The following NCR2 variants were observed in gnomAD, a reference collection of about 807,000 sequenced individuals.
The protein encoded by NCR2 is NK cell activating receptor (NKp44).
NCR2 carries 35 observed loss-of-function variants against 30.7 expected under a neutral mutation model. The observed-to-expected ratio is 1.14, with a 90% CI of 0.87 to 1.51. NCR2 has a LOEUF of 1.51. Among genes scored for constraint, NCR2 ranks in the 40% most tolerant of loss-of-function variants. The pLI is 0.00. For synonymous variants in NCR2, 146 were observed against 134.8 expected (o/e 1.08, Z -0.58); for missense variants, 316 against 328.9 (o/e 0.96, Z 0.30).
intron 2 of NCR2, among the ~76,000 whole-genome samples, chr6:41,338,918 C>T (rs944268764): frequency 2.6e-5 from 4 of 152,202 alleles, no homozygotes; most frequent in Admixed American, 6.5e-5. Flanking sequence ...CAAAATGTTA[C>T]TTTACAAGAA....
At chr6:41,338,085 C>A (rs118023952) in intron 2 of NCR2, among the ~76,000 whole-genome samples, 1 of 152,250 alleles carries the variant, frequency 6.6e-6, no homozygotes, top group East Asian at 1.9e-4. Flanking sequence ...TGCACTTAGA[C>A]TTTACTTGCC....
intron 4 of NCR2, among the ~76,000 whole-genome samples, chr6:41,345,622 C>T (rs960074223): frequency 6.6e-6 from 1 of 152,058 alleles, no homozygotes; most frequent in African/African-American, 2.4e-5. Flanking sequence ...AGCACTCAGA[C>T]TCCAGTACAG....
At chr6:41,345,261 T>TA (rs1305436627) in intron 4 of NCR2, among the ~76,000 whole-genome samples, 3 of 152,112 alleles carry the variant, frequency 2.0e-5, no homozygotes, top group African/African-American at 4.8e-5. Flanking sequence ...AACCCTGCCT[T>TA]AAGAGATACC....
chr6:41,342,312 A>T (rs1769194995), intron 4 of NCR2, among the ~76,000 whole-genome samples, 163 bp downstream of exon 4: 2 of 152,078 alleles, frequency 1.3e-5, no homozygotes, highest in African/African-American at 4.8e-5. Context: ...CTGACATGTC[A>T]CACAGGCTCA....
intron 2 of NCR2, among the ~76,000 whole-genome samples, chr6:41,338,117 C>T (rs1290994424): frequency 6.6e-6 from 1 of 152,172 alleles, no homozygotes; most frequent in African/African-American, 2.4e-5. Flanking sequence ...TGTCGCTTTA[C>T]TTCCTTGCAT....
At chr6:41,347,492 T>TG (rs1769330770) in intron 4 of NCR2, among the ~76,000 whole-genome samples, 1 of 152,178 alleles carries the variant, frequency 6.6e-6, no homozygotes, top group Non-Finnish European at 1.5e-5. Context: ...ACACCTCCAG[T>TG]GAGTTGTGCA....
At chr6:41,338,257 T>C (rs891395963) in intron 2 of NCR2, among the ~76,000 whole-genome samples, 2 of 152,174 alleles carry the variant, frequency 1.3e-5, no homozygotes, top group African/African-American at 4.8e-5. Flanking sequence ...AACTTTAAAT[T>C]TGGCATGCAA....
chr6:41,350,596 T>C, intron 4 of NCR2, 82 bp from the exon 5 acceptor site: 1 of 1,228,526 alleles, frequency 8.1e-7, no homozygotes, highest in Non-Finnish European at 1.2e-6. Context: ...AGTAGTGGGA[T>C]GGGGAAGGGG....
rs531984270 is a variant in NCR2 at position 41,336,507 on chromosome 6, C to T, written c.394+79C>T. ...CCTCCATCACCCCTGGTTTCCCAAT[C>T]GTGGAAGCCACCCATGCCCACGCCC... On this transcript the variant is annotated intron_variant, in intron 2 of 4. Transcript: ENST00000373089. 27 of 1,256,558 alleles carry T rather than the reference C, an allele frequency of 2.1e-5. 1 individual carries two copies. The Middle Eastern group carries it at 6.5e-4, about 30-fold the overall frequency. The allele number at this position is 1,256,558 out of a possible 1,614,324, so 77.8% of individuals were successfully genotyped here.
chr6:41,339,261 C>A (rs1769111512), intron 2 of NCR2, among the ~76,000 whole-genome samples: 1 of 151,986 alleles, frequency 6.6e-6, no homozygotes, highest in African/African-American at 2.4e-5. Flanking sequence ...GGGGTTTCAC[C>A]ATATTGGTCA....
chr6:41,338,009 T>C, intron 2 of NCR2, among the ~76,000 whole-genome samples: 1 of 152,246 alleles, frequency 6.6e-6, no homozygotes, highest in Admixed American at 6.5e-5. Context: ...ATTTTGTTGA[T>C]AAATGTTATT....
chr6:41,346,163 T>A (rs1182707095), intron 4 of NCR2, among the ~76,000 whole-genome samples: 1 of 152,068 alleles, frequency 6.6e-6, no homozygotes, highest in African/African-American at 2.4e-5. Context: ...AGGCTCAGCG[T>A]CACTCTGACT....
intron 2 of NCR2, 43 bp downstream of exon 2, chr6:41,336,471 C>G (rs947854581): frequency 6.6e-7 from 1 of 1,526,056 alleles, no homozygotes; most frequent in Non-Finnish European, 9.0e-7. Context: ...GCCCCTCACC[C>G]CCTTTTGGTG....
chr6:41,341,791 C>A lies in NCR2; in HGVS notation c.395-3C>A. The stretch of plus-strand genomic sequence containing the variant: ...TAACCACGCTCTTTCTCCTCCCTGG[C>A]AGCCTCTGCCTCCACACAGACCTCC... On this transcript the variant is annotated splice_region_variant and splice_polypyrimidine_tract_variant and intron_variant, in intron 2 of 4. Coordinates refer to ENST00000373089, the MANE Select transcript of NCR2 (RefSeq NM_004828.4). 2 of 1,607,844 alleles carry A rather than the reference C, an allele frequency of 1.2e-6. No individual in the cohort carries two copies. Among genetic ancestry groups the A allele is most frequent in the South Asian group, 1.1e-5 (1 of 90,714 alleles).
At chr6:41,342,577 C>T (rs1769203796) in intron 4 of NCR2, among the ~76,000 whole-genome samples, 1 of 151,628 alleles carries the variant, frequency 6.6e-6, no homozygotes, top group Non-Finnish European at 1.5e-5. Context: ...TCCTTCCACT[C>T]CCCCATCCCT....
chr6:41,342,322 AC>A (rs1489329220), intron 4 of NCR2, among the ~76,000 whole-genome samples, 173 bp downstream of exon 4: 1 of 151,926 alleles, frequency 6.6e-6, no homozygotes, highest in East Asian at 1.9e-4. Context: ...ACACAGGCTC[AC>A]CTTTGTCCTT....
In NCR2 at chr6:41,342,088, C is replaced by T. The variant is rs1382044623; in HGVS notation, c.583C>T (p.Pro195Ser). Residue 195 changes from proline (P) to serine (S), a missense_variant, in exon 4 of 5, where the codon CCT (proline) becomes TCT (serine). Physicochemically the swap from Pro to Ser is moderately conservative, Grantham distance 74. Coordinates refer to ENST00000373089, the MANE Select transcript of NCR2 (RefSeq NM_004828.4). ...CCCTGCAGCCCCCATTGCCCTGGTGCCTGTGTTCTGTGGACTCCTCGTAGC... is the reference window on the plus strand; with the variant it reads ...CCCTGCAGCCCCCATTGCCCTGGTGTCTGTGTTCTGTGGACTCCTCGTAGC... ...PGPAAPIALVPVFCGLLVAKS... is the reference protein window; with the variant it reads ...PGPAAPIALVSVFCGLLVAKS... The T allele has an allele frequency of 6.2e-7, 1 of 1,613,892 alleles. No individual in the cohort carries two copies. The highest frequency in any genetic ancestry group is 2.2e-5 in the East Asian group (1 of 44,876).
At chr6:41,346,817 AAGAG>A (rs1290345035) in intron 4 of NCR2, among the ~76,000 whole-genome samples, 2 of 140,508 alleles carry the variant, frequency 1.4e-5, no homozygotes, top group Admixed American at 1.4e-4. Context: ...AAGAGGGGGA[AAGAG>A]AGAAAGAGAG....
At chr6:41,343,059 A>G (rs1769216527) in intron 4 of NCR2, 1 of 1,511,328 alleles carries the variant, frequency 6.6e-7, no homozygotes, top group Non-Finnish European at 9.0e-7. Flanking sequence ...CTGGGCTCCC[A>G]GCAGCTCCTC....
Sources: allele counts gnomAD v4.1 joint callset (sites outside exome capture counted in the v4.1 genomes callset), GRCh38; gene constraint gnomAD v4.1.1; transcripts MANE v1.5; gene names NCBI Gene and HGNC (gene_info 2026-07-23, HGNC 2026-07-21).